Variants in ACSM6 observed in about 807,000 individuals in gnomAD.
The protein encoded by ACSM6 is acyl-CoA synthetase medium chain family member 6.
Under a neutral mutation model 51.1 loss-of-function variants are expected in ACSM6, and 35 were observed. The observed-to-expected ratio is 0.69, with a 90% confidence interval of 0.52 to 0.91. The LOEUF is 0.91. ACSM6 is among the 40% of genes least tolerant of loss of function. The pLI, the probability that ACSM6 is intolerant of heterozygous loss-of-function variation, is 0.00. For missense variants in ACSM6, 509 were observed against 584.1 expected (o/e 0.87, Z 1.32); for synonymous variants, 172 against 207.3 (o/e 0.83, Z 1.46).
At position 95,212,045 on chromosome 10, in the gene ACSM6, T is replaced by C. The variant is rs1440337854; in HGVS notation, c.912+11T>C. The C allele has an allele frequency of 1.2e-6, 2 of 1,613,848 alleles. No homozygotes were observed. On this transcript the variant is annotated intron_variant, in intron 6 of 10. Transcript: ENST00000341686. ...GAGACTGTTCTAAATGTAAGATCAA[T>C]TCCTAGTGTGGAATGTGTGGGACAA...
chr10:95,200,603 G>GAGA (rs2034785049), intron 2 of ACSM6, among the ~76,000 whole-genome samples: 2 of 105,576 alleles, frequency 1.9e-5, no homozygotes, highest in South Asian at 5.9e-4. Flanking sequence ...GAAGAAGAAG[G>GAGA]AGAAGGAGAA....
intron 9 of ACSM6, 78 bp downstream of exon 9, chr10:95,220,049 A>G: frequency 8.4e-7 from 1 of 1,194,436 alleles, no homozygotes; most frequent in Non-Finnish European, 1.2e-6. Flanking sequence ...TTCTGACATA[A>G]AGGTAGGCAA....
At chr10:95,218,346 T>A (rs1217487827) in intron 8 of ACSM6, among the ~76,000 whole-genome samples, 1 of 152,230 alleles carries the variant, frequency 6.6e-6, no homozygotes, top group Non-Finnish European at 1.5e-5. Flanking sequence ...GATGGAAACA[T>A]ATTTCAAACA....
chr10:95,196,132 G>A (rs2034722692), intron 2 of ACSM6, among the ~76,000 whole-genome samples: 1 of 152,204 alleles, frequency 6.6e-6, no homozygotes, highest in African/African-American at 2.4e-5. Flanking sequence ...CTAGCGTTGT[G>A]CCTTTTATCT....
intron 3 of ACSM6, among the ~76,000 whole-genome samples, chr10:95,204,468 C>T (rs1320276617): frequency 2.6e-5 from 4 of 152,040 alleles, no homozygotes; most frequent in African/African-American, 4.8e-5. Flanking sequence ...GCAGGAGAAT[C>T]GCTTGAACCC....
chr10:95,195,827 T>C (rs751746435), intron 2 of ACSM6, among the ~76,000 whole-genome samples: 1 of 152,220 alleles, frequency 6.6e-6, no homozygotes, highest in Non-Finnish European at 1.5e-5. Flanking sequence ...TAGGGTTAGA[T>C]AAGAGGGAAG....
At chr10:95,210,579 A>G (rs1362992630) in intron 4 of ACSM6, 71 bp from the exon 5 acceptor site, 2 of 1,469,988 alleles carry the variant, frequency 1.4e-6, no homozygotes, top group African/African-American at 1.4e-5. Context: ...AGATTACCAA[A>G]CCCAGGGCCT....
chr10:95,216,604 A>C (rs1317079702), intron 8 of ACSM6, among the ~76,000 whole-genome samples: 1 of 152,180 alleles, frequency 6.6e-6, no homozygotes, highest in African/African-American at 2.4e-5. Context: ...CATGAATCTC[A>C]AAAAGACAAG....
intron 9 of ACSM6, among the ~76,000 whole-genome samples, chr10:95,223,115 A>C (rs2035009004): frequency 6.6e-6 from 1 of 151,922 alleles, no homozygotes; most frequent in East Asian, 1.9e-4. Context: ...AATGAAGTAT[A>C]ACTTCATTCC....
At chr10:95,217,371 G>T (rs1373315319) in intron 8 of ACSM6, among the ~76,000 whole-genome samples, 1 of 150,578 alleles carries the variant, frequency 6.6e-6, no homozygotes, top group Admixed American at 6.6e-5. Flanking sequence ...AAAAGAAAAA[G>T]AAAATAGGGA....
intron 3 of ACSM6, 148 bp downstream of exon 3, chr10:95,202,343 G>A: frequency 1.4e-6 from 1 of 723,022 alleles, no homozygotes; most frequent in Non-Finnish European, 2.4e-6. Context: ...GCCTAGATTT[G>A]AACCCAGCTC....
chr10:95,214,466 T>C (rs895645650), intron 7 of ACSM6, among the ~76,000 whole-genome samples: 1 of 152,236 alleles, frequency 6.6e-6, no homozygotes, highest in Non-Finnish European at 1.5e-5. Flanking sequence ...TCTTTCCACC[T>C]CCAGACTTCA....
At chr10:95,213,336 G>C (rs2034913495) in intron 7 of ACSM6, among the ~76,000 whole-genome samples, 1 of 152,146 alleles carries the variant, frequency 6.6e-6, no homozygotes, top group South Asian at 2.1e-4. Flanking sequence ...AACGGGAAAT[G>C]AGTTATAGAC....
At chr10:95,204,510 C>T (rs1332381009) in intron 3 of ACSM6, among the ~76,000 whole-genome samples, 3 of 152,030 alleles carry the variant, frequency 2.0e-5, no homozygotes, top group Non-Finnish European at 4.4e-5. Flanking sequence ...GCCAAGATCA[C>T]GCCACTGCAC....
chr10:95,226,951 T>G (rs11188231), intron 10 of ACSM6, among the ~76,000 whole-genome samples: 22,080 of 151,970 alleles, frequency 0.15, 2,000 homozygotes, highest in Admixed American at 0.22. Context: ...GTTTTTTTAC[T>G]TATGATTTTC....
At chr10:95,212,788 C>A in intron 6 of ACSM6, 70 bp from the exon 7 acceptor site, 1 of 1,242,876 alleles carries the variant, frequency 8.0e-7, no homozygotes, top group Non-Finnish European at 1.2e-6. Flanking sequence ...CCCGCCTGGA[C>A]CCCTGCCACA....
intron 9 of ACSM6, among the ~76,000 whole-genome samples, chr10:95,223,482 A>G (rs562466812): frequency 6.6e-6 from 1 of 152,362 alleles, no homozygotes; most frequent in Non-Finnish European, 1.5e-5. Context: ...AATGGATTAT[A>G]TACCATAACC....
chr10:95,227,101 C>T (rs2035046848), intron 10 of ACSM6, among the ~76,000 whole-genome samples: 1 of 151,900 alleles, frequency 6.6e-6, no homozygotes, highest in African/African-American at 2.4e-5. Flanking sequence ...ATTCTACTGC[C>T]TCAGCCTCAT....
chr10:95,210,890 C>A, intron 5 of ACSM6, 97 bp downstream of exon 5: 1 of 1,368,704 alleles, frequency 7.3e-7, no homozygotes, highest in Non-Finnish European at 9.8e-7. Flanking sequence ...GTTTCTTACT[C>A]AAGACTGCAG....
Sources: gnomAD v4.1 joint callset for allele counts (sites outside exome capture counted in the v4.1 genomes callset) on GRCh38, gnomAD v4.1.1 for gene constraint, MANE v1.5 for transcripts, NCBI Gene and HGNC (gene_info 2026-07-23, HGNC 2026-07-21) for gene names.